Variants in PLAC1 observed in about 807,000 individuals in gnomAD.
PLAC1 encodes placenta-specific protein 1.
For missense variants in PLAC1, 136 were observed against 163.2 expected, an observed-to-expected ratio of 0.83 and a Z score of 0.91; for synonymous variants, 68 against 62.1, an observed-to-expected ratio of 1.09 and a Z score of -0.44.
upstream of PLAC1, among the ~76,000 whole-genome samples, chrX:134,660,328 A>G (rs2078412005): frequency 9.1e-6 from 1 of 109,870 alleles, no homozygotes; most frequent in Non-Finnish European, 1.9e-5. Context: ...CTGGTCTTGA[A>G]CTCCTGACCT....
At chrX:134,632,119 A>G (rs1440776553) in intron 1 of PLAC1, among the ~76,000 whole-genome samples, 2 of 111,848 alleles carry the variant, frequency 1.8e-5, no homozygotes, top group East Asian at 5.6e-4. Flanking sequence ...TAAGACAGCC[A>G]AACGGTGGTT....
At chrX:134,605,812 G>A (rs1318938554) in intron 1 of PLAC1, 2 of 112,328 alleles carry the variant, frequency 1.8e-5, no homozygotes, top group Non-Finnish European at 3.8e-5. Flanking sequence ...ACTCAGATGT[G>A]CCCTTGTCCT....
chrX:134,598,858 T>A (rs775802660), intron 2 of PLAC1, among the ~76,000 whole-genome samples: 1 of 111,433 alleles, frequency 9.0e-6, no homozygotes, highest in Non-Finnish European at 1.9e-5. Context: ...TGTACCTGAT[T>A]AGCTTGAGCT....
intron 2 of PLAC1, among the ~76,000 whole-genome samples, chrX:134,703,584 G>A (rs913843603): frequency 2.7e-5 from 3 of 110,372 alleles, no homozygotes; most frequent in Non-Finnish European, 5.7e-5. Context: ...ATAAAGGACT[G>A]GAGTTCAAGA....
chrX:134,601,649 CAT>C (rs1481223249), intron 2 of PLAC1: 1 of 112,450 alleles, frequency 8.9e-6, no homozygotes, highest in Admixed American at 9.5e-5. Context: ...AGGCATAACA[CAT>C]GTACAAAGAT....
At chrX:134,615,518 C>A (rs2078175093) in intron 1 of PLAC1, among the ~76,000 whole-genome samples, 1 of 111,450 alleles carries the variant, frequency 9.0e-6, no homozygotes, top group Non-Finnish European at 1.9e-5. Flanking sequence ...AAATATTTTC[C>A]CCCAATCTGT....
intron 1 of PLAC1, among the ~76,000 whole-genome samples, chrX:134,752,174 T>C (rs1434364711): frequency 8.9e-6 from 1 of 112,339 alleles, no homozygotes; most frequent in Non-Finnish European, 1.9e-5. Flanking sequence ...TCTGCTACAG[T>C]CTTTTCTCAG....
intron 2 of PLAC1, among the ~76,000 whole-genome samples, chrX:134,568,211 C>T (rs1602782065): frequency 1.8e-5 from 2 of 112,734 alleles, no homozygotes; most frequent in African/African-American, 6.4e-5. Flanking sequence ...TATAGGGATT[C>T]ACTTTTGTTC....
chrX:134,628,121 A>C (rs984168982), intron 1 of PLAC1, among the ~76,000 whole-genome samples: 2 of 112,415 alleles, frequency 1.8e-5, no homozygotes, highest in Non-Finnish European at 1.9e-5. Context: ...GTAAGTGCTC[A>C]ATAAATGGTA....
intron 1 of PLAC1, among the ~76,000 whole-genome samples, chrX:134,738,233 G>GATGTCTGCAAGCCCTTAGCA (rs1217987975): frequency 1.7e-4 from 19 of 112,211 alleles, no homozygotes; most frequent in Admixed American, 1.0e-3. Context: ...TGTTAACAGC[G>GATGTCTGCAAGCCCTTAGCA]ATGTCTGCAA....
At chrX:134,641,989 G>T (rs897934325) in intron 1 of PLAC1, among the ~76,000 whole-genome samples, 15 of 112,176 alleles carry the variant, frequency 1.3e-4, no homozygotes, top group Non-Finnish European at 3.8e-5. Flanking sequence ...GGAAGTGGGG[G>T]TGAGGTACCC....
chrX:134,621,469 A>G (rs886535672), intron 1 of PLAC1, among the ~76,000 whole-genome samples: 28 of 106,483 alleles, frequency 2.6e-4, no homozygotes, highest in African/African-American at 8.2e-4. Context: ...AAAAAAAAAA[A>G]AAAAGAAAAG....
chrX:134,630,456 G>A (rs1330560027), intron 1 of PLAC1, among the ~76,000 whole-genome samples: 1 of 111,678 alleles, frequency 9.0e-6, no homozygotes, highest in Non-Finnish European at 1.9e-5. Flanking sequence ...GAAAACTCTG[G>A]GTGTGCCCAA....
chrX:134,707,788 GT>G (rs1166463916), intron 2 of PLAC1, among the ~76,000 whole-genome samples: 4 of 111,913 alleles, frequency 3.6e-5, no homozygotes, highest in African/African-American at 1.3e-4. Flanking sequence ...AAAGCAAAAA[GT>G]AAAACATTGT....
intron 1 of PLAC1, among the ~76,000 whole-genome samples, chrX:134,637,908 G>A (rs1440437577): frequency 2.7e-5 from 3 of 111,753 alleles, no homozygotes; most frequent in Admixed American, 1.9e-4. Flanking sequence ...CTATGATGGC[G>A]CATCCCTATT....
At chrX:134,705,002 A>ATATATATATATATATATATT (rs1556156743) in intron 2 of PLAC1, among the ~76,000 whole-genome samples, 1 of 94,783 alleles carries the variant, frequency 1.1e-5, no homozygotes, top group African/African-American at 4.4e-5. Flanking sequence ...CAAAAAAATT[A>ATATATATATATATATATATT]TATATATATA....
At chrX:134,613,974 C>T (rs935366132) in intron 1 of PLAC1, among the ~76,000 whole-genome samples, 5 of 110,230 alleles carry the variant, frequency 4.5e-5, no homozygotes, top group Non-Finnish European at 9.5e-5. Context: ...TTTCCCAAAG[C>T]GACCCCCCGG....
chrX:134,630,764 T>C, intron 1 of PLAC1, among the ~76,000 whole-genome samples: 1 of 112,329 alleles, frequency 8.9e-6, no homozygotes, highest in East Asian at 2.8e-4. Context: ...AGTCTTGGAC[T>C]ACTCATCTTT....
intron 2 of PLAC1, among the ~76,000 whole-genome samples, chrX:134,689,669 T>C (rs1322512119): frequency 7.2e-5 from 8 of 111,697 alleles, no homozygotes; most frequent in Non-Finnish European, 1.9e-5. Flanking sequence ...ATGTGTGATG[T>C]TGGGCAAGTC....
Sources: allele counts gnomAD v4.1 joint callset (sites outside exome capture counted in the v4.1 genomes callset), GRCh38; gene constraint gnomAD v4.1.1; transcripts MANE v1.5; gene names NCBI Gene and HGNC (gene_info 2026-07-23, HGNC 2026-07-21).